C10orf67: variants seen among roughly 807,000 people sequenced by gnomAD.
C10orf67 encodes chromosome 10 open reading frame 67.
Under a neutral mutation model 35.6 loss-of-function variants are expected in C10orf67, and 60 were observed. The ratio of observed to expected loss-of-function variants is 1.68; its 90% CI spans 1.37 to 2.09. The LOEUF is 2.09. Ranked by LOEUF, C10orf67 falls within the 30% of genes most tolerant of loss-of-function variation. C10orf67 has a pLI of 0.00. For missense variants in C10orf67, 474 were observed against 330.2 expected, an observed-to-expected ratio of 1.44 and a Z score of -3.38; for synonymous variants, 167 against 115.8, an observed-to-expected ratio of 1.44 and a Z score of -2.84.
chr10:23,256,563 A>G (rs1349293877), intron 10 of C10orf67, among the ~76,000 whole-genome samples: 2 of 152,214 alleles, frequency 1.3e-5, no homozygotes, highest in Non-Finnish European at 2.9e-5. Context: ...CTTCAACACA[A>G]GCTTGTAAGA....
At chr10:23,237,436 A>C (rs1276235342) in intron 13 of C10orf67, among the ~76,000 whole-genome samples, 2 of 152,168 alleles carry the variant, frequency 1.3e-5, no homozygotes, top group Admixed American at 6.5e-5. Context: ...GAGATATTAA[A>C]ACAAACTTTC....
At chr10:23,275,397 C>T (rs1232875035) in intron 8 of C10orf67, among the ~76,000 whole-genome samples, 1 of 152,150 alleles carries the variant, frequency 6.6e-6, no homozygotes. Context: ...CCCTGTAAGT[C>T]CTGCCTCTCA....
chr10:23,327,980 A>G (rs946301341), intron 2 of C10orf67, among the ~76,000 whole-genome samples: 4 of 152,212 alleles, frequency 2.6e-5, no homozygotes, highest in Non-Finnish European at 5.9e-5. Flanking sequence ...AATCAGCAAT[A>G]TAAAAATATT....
Position 23,231,652 on chromosome 10 carries a change from G to A in C10orf67, c.1435-7834C>T, listed in dbSNP as rs1841917215. 2.6e-5 allele frequency among the ~76,000 whole-genome samples: 4 copies of A among 152,168 alleles called. 1 individual carries two copies. Among genetic ancestry groups the A allele is most frequent in the Admixed American group, 2.6e-4 (4 of 15,274 alleles). On this transcript the variant is annotated intron_variant, in intron 13 of 15. Transcript: ENST00000636213. ...CTTATGACCAGCAATTCTGTTATGA[G>A]TATAAAACCTGGAAGAGCTCCTGTA... is the stretch of plus-strand genomic sequence containing the variant.
chr10:23,251,029 C>T (rs1485476900), intron 10 of C10orf67, among the ~76,000 whole-genome samples: 1 of 151,960 alleles, frequency 6.6e-6, no homozygotes, highest in African/African-American at 2.4e-5. Flanking sequence ...CCCAGGAGGT[C>T]GAAGCTGCAG....
At chr10:23,252,444 G>C (rs916502232) in intron 10 of C10orf67, among the ~76,000 whole-genome samples, 1 of 152,150 alleles carries the variant, frequency 6.6e-6, no homozygotes. Flanking sequence ...GTTTCAGGCA[G>C]GGCCAAGTGC....
At chr10:23,277,908 G>A (rs113646700) in intron 8 of C10orf67, among the ~76,000 whole-genome samples, 192 of 152,248 alleles carry the variant, frequency 1.3e-3, no homozygotes, top group African/African-American at 4.5e-3. Context: ...CTGCTGCTGG[G>A]GAGACCTCAA....
chr10:23,235,426 A>G (rs1429670827), intron 13 of C10orf67, among the ~76,000 whole-genome samples: 1 of 152,254 alleles, frequency 6.6e-6, no homozygotes, highest in Non-Finnish European at 1.5e-5. Flanking sequence ...TAATACATAT[A>G]TCTGACAAAG....
chr10:23,343,924 TG>T, intron 1 of C10orf67: 1 of 466,078 alleles, frequency 2.1e-6, no homozygotes, highest in African/African-American at 2.0e-5. Flanking sequence ...GAACTGGAAT[TG>T]TTCAATAGAG....
chr10:23,249,131 CAAAAAAAAAAAAAAAA>C (rs57702096), intron 12 of C10orf67, among the ~76,000 whole-genome samples: 8 of 21,548 alleles, frequency 3.7e-4, no homozygotes, highest in African/African-American at 1.0e-3. Context: ...AACTCCCTCT[CAAAAAAAAAAAAAAAA>C]AAAAAAAAAA....
At chr10:23,226,173 C>G (rs11013337) in intron 13 of C10orf67, among the ~76,000 whole-genome samples, 21,572 of 151,702 alleles carry the variant, frequency 0.14, 2,877 homozygotes, top group East Asian at 0.67. Context: ...TTCCAAAATT[C>G]ACCACATAGT....
chr10:23,205,672 T>C (rs1776791478), intron 15 of C10orf67, among the ~76,000 whole-genome samples: 1 of 152,184 alleles, frequency 6.6e-6, no homozygotes, highest in Non-Finnish European at 1.5e-5. Context: ...CTGGGAAAGA[T>C]AATTAAGAAT....
intron 2 of C10orf67, among the ~76,000 whole-genome samples, chr10:23,328,742 G>T (rs1403608113): frequency 6.7e-6 from 1 of 149,774 alleles, no homozygotes; most frequent in African/African-American, 2.5e-5. Context: ...CTAACATTTT[G>T]AGAGGCTGAG....
At chr10:23,273,295 C>A (rs757311440) in intron 8 of C10orf67, among the ~76,000 whole-genome samples, 4 of 152,208 alleles carry the variant, frequency 2.6e-5, no homozygotes, top group Non-Finnish European at 4.4e-5. Context: ...CTTTCACTAT[C>A]AACCATGATA....
chr10:23,322,203 A>T (rs1310687908), intron 3 of C10orf67, among the ~76,000 whole-genome samples, 191 bp downstream of exon 3: 1 of 152,228 alleles, frequency 6.6e-6, no homozygotes, highest in Non-Finnish European at 1.5e-5. Flanking sequence ...TGAGAATTAA[A>T]TCAGTTCATA....
intron 7 of C10orf67, among the ~76,000 whole-genome samples, chr10:23,286,926 A>G (rs1206860416): frequency 6.6e-6 from 1 of 152,182 alleles, no homozygotes; most frequent in African/African-American, 2.4e-5. Flanking sequence ...TACTTCTTAA[A>G]AGTAGTTTTA....
At chr10:23,255,008 T>A (rs966337769) in intron 10 of C10orf67, among the ~76,000 whole-genome samples, 2 of 152,146 alleles carry the variant, frequency 1.3e-5, no homozygotes, top group Non-Finnish European at 2.9e-5. Flanking sequence ...AAAACCTCAA[T>A]CACTTTGACT....
At chr10:23,318,100 TAAAAAAAAAAAAAAAAAAAAAAAGACCC>T (rs1844800408) in intron 4 of C10orf67, 1 of 37,056 alleles carries the variant, frequency 2.7e-5, no homozygotes, top group Admixed American at 3.4e-4. Flanking sequence ...TCCCTGTCTC[TAAAAAAAAAAAAAAAAAAAAAAAGACCC>T]AAAAATAAAA....
At chr10:23,245,346 A>G (rs1373562642) in intron 12 of C10orf67, among the ~76,000 whole-genome samples, 1 of 152,214 alleles carries the variant, frequency 6.6e-6, no homozygotes, top group Non-Finnish European at 1.5e-5. Context: ...GCAACAAAAA[A>G]CAAGAACGAA....
Sources: allele counts gnomAD v4.1 joint callset (sites outside exome capture counted in the v4.1 genomes callset), GRCh38; gene constraint gnomAD v4.1.1; transcripts MANE v1.5; gene names NCBI Gene and HGNC (gene_info 2026-07-23, HGNC 2026-07-21).